Variants in TEAD3 observed in about 807,000 individuals in gnomAD.
TEAD3 encodes TEA domain transcription factor 3.
A neutral mutation model predicts 55.6 loss-of-function variants in TEAD3; 15 were observed. The observed-to-expected ratio is 0.27, with a 90% confidence interval of 0.18 to 0.42. The LOEUF is 0.42. Ranked by LOEUF, TEAD3 falls within the 10% of genes least tolerant of loss-of-function variation. The pLI is 1.00. For synonymous variants in TEAD3, 210 were observed against 232.2 expected (o/e 0.90, Z 0.87); for missense variants, 407 against 576.8 (o/e 0.71, Z 3.01).
chr6:35,475,751 A>T lies in TEAD3; in HGVS notation c.901-45T>A. 6.5e-7 allele frequency: 1 copy of T among 1,529,832 alleles called. No individual in the cohort carries two copies. Among genetic ancestry groups the T allele is most frequent in the Non-Finnish European group, 8.8e-7 (1 of 1,140,934 alleles). The allele number at this position is 1,529,832 out of a possible 1,614,324, so 94.8% of individuals were successfully genotyped here. On this transcript the variant is annotated intron_variant, in intron 10 of 12. Coordinates refer to ENST00000639578, the Ensembl canonical transcript of TEAD3. The surrounding 1 kb of genome is among the most constrained non-coding windows in gnomAD (Gnocchi z 5.4). ...GTGTTAGGTGCTGGCAGAGACCAGA[A>T]GTATTCCCGCCACACCACATCAGAG...
exon 13 of TEAD3, chr6:35,474,993 T>G (rs1581720331): frequency 7.1e-7 from 1 of 1,406,344 alleles, no homozygotes; most frequent in Non-Finnish European, 9.6e-7. Context: ...GCCAGGCAGG[T>G]GTGGAGAGGA....
At chr6:35,477,854 T>C (rs1768184405) in intron 7 of TEAD3, among the ~76,000 whole-genome samples, 1 of 151,822 alleles carries the variant, frequency 6.6e-6, no homozygotes, top group Non-Finnish European at 1.5e-5. Context: ...TTTTTCTTTT[T>C]TCAGAGACAG....
chr6:35,475,802 A>ACTCTGCC lies in TEAD3; in HGVS notation c.901-103_901-97dup. The ACTCTGCC allele has an allele frequency of 6.6e-7, 1 of 1,506,292 alleles. No individual in the cohort carries two copies. Among genetic ancestry groups the ACTCTGCC allele is most frequent in the Admixed American group, 2.2e-5 (1 of 45,776 alleles). 93.3% of individuals were successfully genotyped at this position (1,506,292 alleles called of 1,614,324 possible). A position where few individuals can be genotyped will look rare whatever the true frequency, so the allele number is the denominator to read the frequency against. ...TCCTGCCCAAGGATCCATCTCTGGC[A>ACTCTGCC]CTCTGCCCACAAGCCATGAGGATGC... On this transcript the variant is annotated intron_variant, in intron 10 of 12. Transcript: ENST00000639578. The surrounding 1 kb of genome is among the most constrained non-coding windows in gnomAD (Gnocchi z 5.4).
rs1034791239 is a variant in TEAD3, at chr6:35,480,107, G to A, written c.283C>T (p.Gln95Ter). 1.9e-6 allele frequency: 3 copies of A among 1,542,700 alleles called. No homozygotes were observed. The highest frequency in any genetic ancestry group is 2.6e-6 in the Non-Finnish European group (3 of 1,142,072). The change falls in exon 4 of 13, where the codon CAA becomes TAA. Residue 95 changes from glutamine (Q) to a stop codon, truncating the protein, a stop_gained. Coordinates refer to ENST00000639578, the Ensembl canonical transcript of TEAD3. LOFTEE classifies it high-confidence loss of function. ...CGAGATTTCCGCCTGGCTAGAACTTGCAAGTGGCTAGAGACCTGTAGAGAG... is the reference window on the plus strand; with the variant it reads ...CGAGATTTCCGCCTGGCTAGAACTTACAAGTGGCTAGAGACCTGTAGAGAG...
rs954114136 is a variant in TEAD3 at position 35,491,508 on chromosome 6, G to A, written c.-49-4797C>T. 6.6e-6 allele frequency among the ~76,000 whole-genome samples: 1 copy of A among 152,106 alleles called. No individual in the cohort carries two copies. Among genetic ancestry groups the A allele is most frequent in the Non-Finnish European group, 1.5e-5 (1 of 67,996 alleles). The stretch of plus-strand genomic sequence containing the variant: ...ACAAGGGAGGCCACTGCCAGGGGCT[G>A]GGGCTGGCCACCATCCAGGACACCC... On this transcript the variant is annotated intron_variant, in intron 1 of 12. Transcript: ENST00000639578. The surrounding 1 kb of genome is among the most constrained non-coding windows in gnomAD (Gnocchi z 4.4).
chr6:35,476,396 G>A (rs1177530002), exon 9 of TEAD3: 8 of 1,613,182 alleles, frequency 5.0e-6, no homozygotes, highest in Non-Finnish European at 6.8e-6. Flanking sequence ...CACAGGCACA[G>A]AGGCAGCAGC....
In TEAD3 at chr6:35,483,131, A is replaced by C. The variant is rs1193528112; in HGVS notation, c.267+1429T>G. On this transcript the variant is annotated intron_variant, in intron 3 of 12. Coordinates refer to ENST00000639578, the Ensembl canonical transcript of TEAD3. This position sits in a 1 kb window ranked among gnomAD's most constrained non-coding sequence, Gnocchi z 4.5. ...GTATCCCTGGTGCCTAGAACACAGC[A>C]GTAGGTCAATCATTAGCTAAGTGAA... Among the ~76,000 whole-genome samples the C allele has an allele frequency of 6.6e-6, 1 of 152,214 alleles. No homozygotes were observed. Among genetic ancestry groups the C allele is most frequent in the Non-Finnish European group, 1.5e-5 (1 of 68,032 alleles).
chr6:35,487,057 C>G lies in TEAD3; in HGVS notation c.-49-346G>C, dbSNP rs1318495255. Among the ~76,000 whole-genome samples, 6 of 152,314 alleles carry G rather than the reference C, an allele frequency of 3.9e-5. No individual in the cohort carries two copies. In the South Asian group the frequency reaches 1.0e-3, roughly 26 times the overall value. On this transcript the variant is annotated intron_variant, in intron 1 of 12. Coordinates refer to ENST00000639578, the Ensembl canonical transcript of TEAD3. ...TCATAATACTCAAGAAATAGGTAAT[C>G]GGTAACAACAATGCCTCATACCAAC...
intron 3 of TEAD3, 126 bp from the exon 4 acceptor site, chr6:35,480,500 G>A (rs1440845629): frequency 4.1e-6 from 4 of 969,550 alleles, no homozygotes; most frequent in Non-Finnish European, 6.3e-6. Flanking sequence ...GTAAATGGGG[G>A]GACCTTTTTT....
chr6:35,495,423 G>A (rs983170815), intron 1 of TEAD3, among the ~76,000 whole-genome samples: 4 of 152,118 alleles, frequency 2.6e-5, no homozygotes, highest in Admixed American at 6.5e-5. Flanking sequence ...TTCCCTCCCT[G>A]GGGGGGTAGG....
intron 1 of TEAD3, among the ~76,000 whole-genome samples, chr6:35,494,820 T>A (rs1480202399): frequency 2.0e-5 from 3 of 151,834 alleles, no homozygotes; most frequent in Non-Finnish European, 4.4e-5. Flanking sequence ...CCATGACCAC[T>A]TCAGAGGCAA....
rs540147242 is a variant in TEAD3, at chr6:35,486,835, C to G, written c.-49-124G>C. On this transcript the variant is annotated intron_variant, in intron 1 of 12. Transcript: ENST00000639578. The surrounding 1 kb of genome is among the most constrained non-coding windows in gnomAD (Gnocchi z 7.3). Reference sequence around the variant, plus strand: ...CAAGCCCACCCTAGGAGCAGGTGCTCCAGGTGGAACGGAGGTAACCAGAGG... The same window carrying G: ...CAAGCCCACCCTAGGAGCAGGTGCTGCAGGTGGAACGGAGGTAACCAGAGG... The G allele has an allele frequency of 1.5e-6, 1 of 660,974 alleles. No homozygotes were observed. The highest frequency in any genetic ancestry group is 2.5e-6 in the Non-Finnish European group (1 of 392,906). 40.9% of individuals were successfully genotyped at this position (660,974 alleles called of 1,614,324 possible).
intron 1 of TEAD3, among the ~76,000 whole-genome samples, chr6:35,489,596 G>A (rs1229326593): frequency 1.3e-5 from 2 of 152,218 alleles, no homozygotes; most frequent in African/African-American, 2.4e-5. Context: ...GCCAGAAGGA[G>A]CTGTGCCCCT....
Position 35,493,810 on chromosome 6 carries a change from C to T in TEAD3, c.-50+3088G>A, listed in dbSNP as rs115763728. Among the ~76,000 whole-genome samples the T allele has an allele frequency of 4.1e-3, 622 of 152,332 alleles. 7 individuals carry two copies. The highest frequency in any genetic ancestry group is 0.014 in the African/African-American group (594 of 41,566). ...ACATACACACAGCATCGTGCGAGTG[C>T]GGTGTCCTTCACACGCAGGTCACTT... On this transcript the variant is annotated intron_variant, in intron 1 of 12. Transcript: ENST00000639578.
intron 1 of TEAD3, among the ~76,000 whole-genome samples, chr6:35,489,949 A>G (rs1402892766): frequency 6.6e-6 from 1 of 152,106 alleles, no homozygotes; most frequent in African/African-American, 2.4e-5. Flanking sequence ...GGGTGGGGGC[A>G]CCTAGGGACT....
chr6:35,486,422 G>C lies in TEAD3; in HGVS notation c.202+39C>G, dbSNP rs1768381662. The C allele has an allele frequency of 1.3e-6, 2 of 1,583,784 alleles. No homozygotes were observed. Among genetic ancestry groups the C allele is most frequent in the Admixed American group, 3.4e-5 (2 of 58,574 alleles). ...TTGGGTGAGAGGGCAGAGAGCAGGG[G>C]GAAGGGCCGCAGTCCCGCCCGCGCC... On this transcript the variant is annotated intron_variant, in intron 2 of 12. Transcript: ENST00000639578. The surrounding 1 kb of genome is among the most constrained non-coding windows in gnomAD (Gnocchi z 7.3).
downstream of TEAD3, chr6:35,474,823 T>G: frequency 3.8e-6 from 2 of 526,586 alleles, no homozygotes; most frequent in East Asian, 3.3e-5. Flanking sequence ...CCGGACAGGC[T>G]GCCCCACCGC....
Position 35,479,294 on chromosome 6 carries a change from G to A in TEAD3, c.342+11C>T, listed in dbSNP as rs1328067597. 6.2e-7 allele frequency: 1 copy of A among 1,613,958 alleles called. No individual in the cohort carries two copies. Among genetic ancestry groups the A allele is most frequent in the East Asian group, 2.2e-5 (1 of 44,888 alleles). On this transcript the variant is annotated intron_variant, in intron 5 of 12. Coordinates refer to ENST00000639578, the Ensembl canonical transcript of TEAD3. The stretch of plus-strand genomic sequence containing the variant: ...TCCCCCACTCCCACTGGGGAGGGCT[G>A]TGCTACTTACCAGGTTCATGGCCTG...
chr6:35,483,874 T>C lies in TEAD3; in HGVS notation c.267+686A>G, dbSNP rs1454502566. ...ACTTCCCTATGCATCAGTTTCCTCA[T>C]AGTAAAAAAGACAATTACTGTACCT... is the stretch of plus-strand genomic sequence containing the variant. On this transcript the variant is annotated intron_variant, in intron 3 of 12. Coordinates refer to ENST00000639578, the Ensembl canonical transcript of TEAD3. This position sits in a 1 kb window ranked among gnomAD's most constrained non-coding sequence, Gnocchi z 4.5. 6.6e-6 allele frequency among the ~76,000 whole-genome samples: 1 copy of C among 151,900 alleles called. No individual in the cohort carries two copies. The highest frequency in any genetic ancestry group is 1.5e-5 in the Non-Finnish European group (1 of 68,004).
Sources: allele counts gnomAD v4.1 joint callset (sites outside exome capture counted in the v4.1 genomes callset), GRCh38; gene constraint gnomAD v4.1.1; non-coding constraint Gnocchi (gnomAD v3.1); transcripts MANE v1.5; gene names NCBI Gene and HGNC (gene_info 2026-07-23, HGNC 2026-07-21).